The following BTBD9 variants were observed in gnomAD, a reference collection of about 807,000 sequenced individuals.
BTBD9 encodes the protein BTB domain containing 9.
BTBD9 carries 49 observed loss-of-function variants against 64.3 expected under a neutral mutation model. The observed-to-expected ratio is 0.76, with a 90% CI of 0.61 to 0.97. The LOEUF is 0.97. BTBD9 is among the 50% of genes least tolerant of loss of function. The probability of loss-of-function intolerance (pLI) is 0.00; values close to 1 mark genes in which losing one functional copy is unlikely to be tolerated. For synonymous variants in BTBD9, 260 were observed against 274.7 expected, an observed-to-expected ratio of 0.95 and a Z score of 0.53; for missense variants, 598 against 762.1, an observed-to-expected ratio of 0.78 and a Z score of 2.53.
chr6:38,609,784 T>C (rs192247433), intron 1 of BTBD9, among the ~76,000 whole-genome samples: 127 of 152,340 alleles, frequency 8.3e-4, no homozygotes, highest in Middle Eastern at 3.4e-3. Flanking sequence ...TTATCATGAT[T>C]GAAATATGCA....
At chr6:38,321,376 A>G (rs1381867328) in intron 7 of BTBD9, among the ~76,000 whole-genome samples, 2 of 152,212 alleles carry the variant, frequency 1.3e-5, no homozygotes, top group African/African-American at 4.8e-5. Flanking sequence ...TCAAATGTTC[A>G]TAATTTCCTT....
rs374478054 is a variant in BTBD9 at position 38,426,353 on chromosome 6, A to G, written c.1155-81260T>C. On this transcript the variant is annotated intron_variant, in intron 6 of 10. Transcript: ENST00000481247. ...ATTGCCTGACAGCACGGCGGGAGGG[A>G]CAAGGATCGGGATATAAACCCAGGC... Among the ~76,000 whole-genome samples the G allele has an allele frequency of 3.3e-5, 5 of 152,068 alleles. No homozygotes were observed. In the East Asian group the frequency reaches 9.6e-4, roughly 29 times the overall value.
At chr6:38,361,122 A>G (rs1764937833) in intron 6 of BTBD9, among the ~76,000 whole-genome samples, 1 of 152,152 alleles carries the variant, frequency 6.6e-6, no homozygotes, top group South Asian at 2.1e-4. Context: ...GACTTCGGAA[A>G]TATATGGATG....
At chr6:38,486,306 G>C (rs1330018685) in intron 6 of BTBD9, among the ~76,000 whole-genome samples, 1 of 152,180 alleles carries the variant, frequency 6.6e-6, no homozygotes, top group Non-Finnish European at 1.5e-5. Flanking sequence ...GGAGTGCTTG[G>C]ACTTTCCTTC....
chr6:38,459,234 G>C (rs1769964495), intron 6 of BTBD9, among the ~76,000 whole-genome samples: 1 of 152,128 alleles, frequency 6.6e-6, no homozygotes, highest in Non-Finnish European at 1.5e-5. Flanking sequence ...GGCCAGGCTG[G>C]TCTCGAACTC....
intron 6 of BTBD9, among the ~76,000 whole-genome samples, chr6:38,502,237 A>G (rs185579080): frequency 4.0e-4 from 61 of 152,344 alleles, no homozygotes; most frequent in Admixed American, 6.5e-5. Context: ...AGGGAACCTA[A>G]AGAAGTCTTT....
intron 6 of BTBD9, among the ~76,000 whole-genome samples, chr6:38,554,427 G>A (rs753678048): frequency 1.5e-4 from 23 of 152,252 alleles, no homozygotes; most frequent in Middle Eastern, 6.8e-3. Context: ...CTTAACTAAC[G>A]TGTTGCTATT....
intron 6 of BTBD9, among the ~76,000 whole-genome samples, chr6:38,523,742 G>C (rs1222417846): frequency 6.6e-6 from 1 of 152,110 alleles, no homozygotes; most frequent in Non-Finnish European, 1.5e-5. Context: ...TTTATAGATA[G>C]TAGCTAACTT....
intron 7 of BTBD9, among the ~76,000 whole-genome samples, chr6:38,306,054 A>G (rs1023569268): frequency 6.6e-6 from 1 of 152,258 alleles, no homozygotes; most frequent in Non-Finnish European, 1.5e-5. Flanking sequence ...GGGAAAAATT[A>G]GAGAGTGATT....
chr6:38,238,057 A>G (rs1442606313), intron 9 of BTBD9, among the ~76,000 whole-genome samples: 1 of 152,216 alleles, frequency 6.6e-6, no homozygotes, highest in East Asian at 1.9e-4. Context: ...AAGCAGGAGG[A>G]TTGCCGGAGG....
chr6:38,410,063 C>T (rs1767344322), intron 6 of BTBD9, among the ~76,000 whole-genome samples: 1 of 152,112 alleles, frequency 6.6e-6, no homozygotes, highest in Admixed American at 6.5e-5. Flanking sequence ...AGAAATCATT[C>T]CACTTGCTCA....
At chr6:38,241,558 C>T (rs1763992502) in intron 9 of BTBD9, among the ~76,000 whole-genome samples, 1 of 152,220 alleles carries the variant, frequency 6.6e-6, no homozygotes, top group Non-Finnish European at 1.5e-5. Context: ...AGTGTATGAG[C>T]AGAAAGCACT....
intron 9 of BTBD9, among the ~76,000 whole-genome samples, chr6:38,249,791 A>G (rs1016150696): frequency 6.6e-6 from 1 of 150,698 alleles, no homozygotes; most frequent in African/African-American, 2.4e-5. Flanking sequence ...AGACTCAAGG[A>G]AAAAAAAAGA....
At chr6:38,401,424 T>C (rs1052850550) in intron 6 of BTBD9, among the ~76,000 whole-genome samples, 12 of 152,182 alleles carry the variant, frequency 7.9e-5, no homozygotes, top group African/African-American at 2.9e-4. Flanking sequence ...TTTATATCAG[T>C]GTGAAAATGG....
At chr6:38,286,853 G>A (rs1390603122) in intron 8 of BTBD9, among the ~76,000 whole-genome samples, 13 of 151,776 alleles carry the variant, frequency 8.6e-5, no homozygotes, top group African/African-American at 2.4e-4. Context: ...AGGCCGAGGC[G>A]GGCTGATCAC....
chr6:38,252,157 T>C (rs976826357), intron 9 of BTBD9, among the ~76,000 whole-genome samples: 1 of 152,142 alleles, frequency 6.6e-6, no homozygotes, highest in African/African-American at 2.4e-5. Flanking sequence ...AGAATCTTAT[T>C]TCCCAGGGAT....
intron 7 of BTBD9, among the ~76,000 whole-genome samples, chr6:38,313,287 C>A (rs993417372): frequency 6.6e-6 from 1 of 152,106 alleles, no homozygotes; most frequent in Non-Finnish European, 1.5e-5. Flanking sequence ...TTGGTGGAGT[C>A]TTTAGGTTTT....
chr6:38,534,997 G>T (rs1773959932), intron 6 of BTBD9, among the ~76,000 whole-genome samples: 1 of 152,046 alleles, frequency 6.6e-6, no homozygotes, highest in Admixed American at 6.6e-5. Context: ...GTTATTCAGT[G>T]TAGTAGTGGA....
At chr6:38,604,162 C>T (rs1197459896) in intron 1 of BTBD9, among the ~76,000 whole-genome samples, 1 of 152,150 alleles carries the variant, frequency 6.6e-6, no homozygotes, top group Non-Finnish European at 1.5e-5. Flanking sequence ...CAGTAAAGTG[C>T]TACGTAAGAA....
Sources: allele counts gnomAD v4.1 joint callset (sites outside exome capture counted in the v4.1 genomes callset), GRCh38; gene constraint gnomAD v4.1.1; transcripts MANE v1.5; gene names NCBI Gene and HGNC (gene_info 2026-07-23, HGNC 2026-07-21).